Variants in SYNRG observed in about 807,000 individuals in gnomAD.
SYNRG encodes the protein AP1 gamma subunit binding protein 1.
Under a neutral mutation model 130.9 loss-of-function variants are expected in SYNRG, and 37 were observed. The ratio of observed to expected loss-of-function variants is 0.28; its 90% CI spans 0.22 to 0.37. SYNRG has a LOEUF of 0.37. Among genes scored for constraint, SYNRG ranks in the 10% least tolerant of loss-of-function variants. The pLI is 1.00. For synonymous variants in SYNRG, 539 were observed against 568.1 expected (o/e 0.95, Z 0.73); for missense variants, 1,338 against 1,588.9 (o/e 0.84, Z 2.68).
intron 6 of SYNRG, 166 bp downstream of exon 6, chr17:37,584,482 G>C (rs371964506): frequency 5.7e-6 from 3 of 523,758 alleles, no homozygotes; most frequent in East Asian, 2.9e-5. Flanking sequence ...ATCCAGACCA[G>C]AGCTCTTAAG....
chr17:37,593,611 G>A (rs916154386), intron 3 of SYNRG, among the ~76,000 whole-genome samples: 1 of 152,238 alleles, frequency 6.6e-6, no homozygotes, highest in East Asian at 1.9e-4. Context: ...GCGGACAGGT[G>A]TGGTGGCTCA....
intron 19 of SYNRG, among the ~76,000 whole-genome samples, chr17:37,524,845 A>T (rs1159573541): frequency 1.3e-5 from 2 of 152,242 alleles, no homozygotes; most frequent in Non-Finnish European, 1.5e-5. Flanking sequence ...ACATAGTATC[A>T]TCTCTGTAAT....
intron 3 of SYNRG, among the ~76,000 whole-genome samples, chr17:37,594,776 C>A (rs963545318): frequency 1.3e-5 from 2 of 152,032 alleles, no homozygotes; most frequent in Non-Finnish European, 2.9e-5. Flanking sequence ...TACCTTTATT[C>A]TAAGAGAACT....
rs1394632241 is a variant in SYNRG at position 37,553,311 on chromosome 17, T to C, written c.2412A>G (p.Lys804=). 6.2e-7 allele frequency: 1 copy of C among 1,614,040 alleles called. No individual in the cohort carries two copies. The highest frequency in any genetic ancestry group is 8.5e-7 in the Non-Finnish European group (1 of 1,180,030). The change falls in exon 14 of 22, where the codon AAA becomes AAG. Residue 804 remains lysine, a synonymous_variant. Coordinates refer to ENST00000612223, the MANE Select transcript of SYNRG (RefSeq NM_007247.6). The part of the protein sequence containing the change: ...GEKAVAFRHT[K]EDSASVKSLD... The stretch of plus-strand genomic sequence containing the variant: ...AGGACTTCACTGATGCAGAGTCTTC[T>C]TTGGTGTGTCTGAAAGCCACTGCTT...
At chr17:37,562,685 C>T (rs890303701) in intron 11 of SYNRG, among the ~76,000 whole-genome samples, 9 of 152,158 alleles carry the variant, frequency 5.9e-5, no homozygotes, top group Non-Finnish European at 1.2e-4. Context: ...TATGATTTCA[C>T]GTCACCACCA....
At chr17:37,594,209 ATATTAATTATTTTAATTATATTAAT>A (rs2062492464) in intron 3 of SYNRG, among the ~76,000 whole-genome samples, 1 of 133,692 alleles carries the variant, frequency 7.5e-6, no homozygotes, top group Non-Finnish European at 1.6e-5. Flanking sequence ...ATTAATTACA[ATATTAATTATTTTAATTATATTAAT>A]TACAATATTA....
intron 14 of SYNRG, among the ~76,000 whole-genome samples, chr17:37,545,378 G>GT: frequency 6.6e-6 from 1 of 152,174 alleles, no homozygotes; most frequent in South Asian, 2.1e-4. Flanking sequence ...CCTGGCGACA[G>GT]TTTGAGACTC....
intron 6 of SYNRG, 68 bp from the exon 7 acceptor site, chr17:37,577,681 T>G: frequency 8.5e-6 from 8 of 939,166 alleles, no homozygotes; most frequent in South Asian, 1.5e-5. Context: ...ACCATCCATC[T>G]CCACCCCCAT....
intron 14 of SYNRG, among the ~76,000 whole-genome samples, chr17:37,545,277 T>G (rs997333558): frequency 7.9e-5 from 12 of 151,702 alleles, no homozygotes; most frequent in Non-Finnish European, 1.6e-4. Context: ...GTGCCTGTAA[T>G]TGCAGCTACT....
intron 21 of SYNRG, among the ~76,000 whole-genome samples, chr17:37,519,540 C>T (rs1315945490): frequency 5.3e-5 from 8 of 151,952 alleles, no homozygotes; most frequent in African/African-American, 1.7e-4. Context: ...AGTTAGAAAA[C>T]GAGAGAGTTA....
At chr17:37,522,220 A>C (rs1404204032) in intron 19 of SYNRG, among the ~76,000 whole-genome samples, 1 of 151,706 alleles carries the variant, frequency 6.6e-6, no homozygotes, top group Non-Finnish European at 1.5e-5. Flanking sequence ...CTCAGGCTGG[A>C]GTACAGTGGC....
intron 3 of SYNRG, among the ~76,000 whole-genome samples, chr17:37,590,217 T>C (rs1196376797): frequency 2.0e-5 from 3 of 149,052 alleles, no homozygotes; most frequent in African/African-American, 7.4e-5. Context: ...TTTTTTTAAA[T>C]AAGAAGATAC....
At chr17:37,554,888 T>C (rs2058993665) in intron 13 of SYNRG, among the ~76,000 whole-genome samples, 1 of 152,136 alleles carries the variant, frequency 6.6e-6, no homozygotes, top group African/African-American at 2.4e-5. Context: ...GGGTATGACT[T>C]AGACTTTAGT....
chr17:37,527,889 A>G (rs988298488), intron 19 of SYNRG, among the ~76,000 whole-genome samples: 2 of 152,180 alleles, frequency 1.3e-5, no homozygotes, highest in African/African-American at 4.8e-5. Flanking sequence ...TTGGAGTTTA[A>G]GACGGTGTAC....
In SYNRG at chr17:37,540,783, C is replaced by T. The variant is rs2144830878; in HGVS notation, c.3203-240G>A. On this transcript the variant is annotated intron_variant, in intron 15 of 21. Transcript: ENST00000612223. ...CTGAGTAGCTGGGACTACAGGTGCA[C>T]ACCATCATGCCTGGCTAATTTTTGT... 4.1e-6 allele frequency: 3 copies of T among 724,006 alleles called. No individual in the cohort carries two copies. In the East Asian group the frequency reaches 1.3e-4, roughly 30 times the overall value. The allele number at this position is 724,006 out of a possible 1,614,324, so 44.8% of individuals were successfully genotyped here. A position where few individuals can be genotyped will look rare whatever the true frequency, so the allele number is the denominator to read the frequency against.
chr17:37,559,428 G>A (rs1217026549), intron 13 of SYNRG, among the ~76,000 whole-genome samples: 1 of 152,114 alleles, frequency 6.6e-6, no homozygotes, highest in Non-Finnish European at 1.5e-5. Context: ...GGTGGCTCAC[G>A]CCTGTAATCC....
chr17:37,576,586 G>C, intron 7 of SYNRG, 168 bp from the exon 8 acceptor site: 1 of 542,442 alleles, frequency 1.8e-6, no homozygotes. Context: ...TAAAATATTT[G>C]GTTTTTAAGC....
intron 14 of SYNRG, among the ~76,000 whole-genome samples, chr17:37,547,582 C>T (rs939178292): frequency 6.6e-6 from 1 of 151,992 alleles, no homozygotes; most frequent in South Asian, 2.1e-4. Context: ...CGTGCCTCAG[C>T]CCCCCGAGTA....
At chr17:37,545,404 AG>A in intron 14 of SYNRG, among the ~76,000 whole-genome samples, 1 of 152,110 alleles carries the variant, frequency 6.6e-6, no homozygotes, top group Non-Finnish European at 1.5e-5. Context: ...CAAAAAAAGG[AG>A]ACAATTTTCC....
Sources: allele counts gnomAD v4.1 joint callset (sites outside exome capture counted in the v4.1 genomes callset), GRCh38; gene constraint gnomAD v4.1.1; transcripts MANE v1.5; gene names NCBI Gene and HGNC (gene_info 2026-07-23, HGNC 2026-07-21).